ZNF444: variants seen among roughly 807,000 people sequenced by gnomAD.
ZNF444 encodes endothelial zinc finger protein 2.
In ZNF444, 8 loss-of-function variants were observed where a neutral mutation model predicts 14.4. That is an observed-to-expected ratio of 0.56 (90% CI 0.33 to 1.00). The LOEUF is 1.00. ZNF444 is among the 50% of genes least tolerant of loss of function. ZNF444 has a pLI of 0.03. For missense variants in ZNF444, 510 were observed against 504.8 expected, an observed-to-expected ratio of 1.01 and a Z score of -0.10; for synonymous variants, 258 against 235.9, an observed-to-expected ratio of 1.09 and a Z score of -0.86.
At position 56,159,996 on chromosome 19, in the gene ZNF444, A is replaced by G. The variant is rs1277132010; in HGVS notation, c.779A>G (p.Tyr260Cys). Residue 260 changes from tyrosine (Y) to cysteine (C), a missense_variant, in exon 5 of 5, where the codon TAC becomes TGC. Coordinates refer to ENST00000337080, the MANE Select transcript of ZNF444 (RefSeq NM_018337.4). ...TGCTGCGAGTGTGGCAAGACCTTCT[A>G]CTGGCGCGAGCACCTGGTGCGCCAC... Reference protein sequence around the residue: ...HACCECGKTFYWREHLVRHRK... With the variant: ...HACCECGKTFCWREHLVRHRK... 1.3e-6 allele frequency: 2 copies of G among 1,512,322 alleles called. No individual in the cohort carries two copies. The highest frequency in any genetic ancestry group is 2.6e-5 in the East Asian group (1 of 37,844). The allele number at this position is 1,512,322 out of a possible 1,614,324, so 93.7% of individuals were successfully genotyped here.
chr19:56,147,408 G>C lies in ZNF444; in HGVS notation c.297+200G>C, dbSNP rs1213923699. Among the ~76,000 whole-genome samples, 1 of 152,176 alleles carries C rather than the reference G, an allele frequency of 6.6e-6. No homozygotes were observed. ...CCATCCCCACACCAGCTGCAAGTCA[G>C]GAGGGCCCCAAGACCCTGGCATACT... is the stretch of plus-strand genomic sequence containing the variant. On this transcript the variant is annotated intron_variant, in intron 3 of 4. Transcript: ENST00000337080. This position sits in a 1 kb window ranked among gnomAD's most constrained non-coding sequence, Gnocchi z 5.9.
chr19:56,159,612 T>C lies in ZNF444; in HGVS notation c.407-12T>C, dbSNP rs1199809749. 3 of 1,427,580 alleles carry C rather than the reference T, an allele frequency of 2.1e-6. No individual in the cohort carries two copies. The highest frequency in any genetic ancestry group is 2.7e-6 in the Non-Finnish European group (3 of 1,095,192). 88.4% of individuals were successfully genotyped at this position (1,427,580 alleles called of 1,614,324 possible). A position where few individuals can be genotyped will look rare whatever the true frequency, so the allele number is the denominator to read the frequency against. ...GTGCCGACCCAGATGCTGACTCTCTTTCTTTTCCCAGCAGGCACCGCCCCT... is the reference window on the plus strand; with the variant it reads ...GTGCCGACCCAGATGCTGACTCTCTCTCTTTTCCCAGCAGGCACCGCCCCT... On this transcript the variant is annotated splice_polypyrimidine_tract_variant and intron_variant, in intron 4 of 4. Transcript: ENST00000337080.
intron 3 of ZNF444, 102 bp from the exon 4 acceptor site, chr19:56,158,392 C>A: frequency 8.9e-7 from 1 of 1,126,656 alleles, no homozygotes; most frequent in African/African-American, 1.6e-5. Context: ...GGCTTCCTCC[C>A]AGCAGGGATG....
In ZNF444 at chr19:56,160,807, C is replaced by G. The variant is rs2032247767; in HGVS notation, c.*606C>G. On this transcript the variant is annotated 3_prime_UTR_variant, in exon 5 of 5. Transcript: ENST00000337080. ...CTGTGACCCAAAGGCATGGGATGGA[C>G]AGAGATGCCTGCCCCCGTGAAGCTG... The G allele has an allele frequency of 6.5e-6, 1 of 153,120 alleles. No homozygotes were observed. 9.5% of individuals were successfully genotyped at this position (153,120 alleles called of 1,614,324 possible).
At chr19:56,132,843 G>A (rs2030511388) in intron 1 of ZNF444, 1 of 152,072 alleles carries the variant, frequency 6.6e-6, no homozygotes, top group Non-Finnish European at 1.5e-5. Context: ...TAAGGAAGAG[G>A]ATATATCTGG....
At chr19:56,150,518 C>T (rs533163115) in intron 3 of ZNF444, 7 of 381,138 alleles carry the variant, frequency 1.8e-5, no homozygotes, top group Non-Finnish European at 3.6e-5. Context: ...AGAGCCTTCT[C>T]CTATCAGTGT....
rs2031093164 is a variant in ZNF444 at position 56,145,157 on chromosome 19, A to G, written c.-196-1090A>G. Among the ~76,000 whole-genome samples, 1 of 152,272 alleles carries G rather than the reference A, an allele frequency of 6.6e-6. No homozygotes were observed. Among genetic ancestry groups the G allele is most frequent in the African/African-American group, 2.4e-5 (1 of 41,474 alleles). ...GACCACCATTTCTCAAATGCTTTGAAGTCAGGACTCCTTTCTGCCTTCAAA... is the reference window on the plus strand; with the variant it reads ...GACCACCATTTCTCAAATGCTTTGAGGTCAGGACTCCTTTCTGCCTTCAAA... On this transcript the variant is annotated intron_variant, in intron 1 of 4. Coordinates refer to ENST00000337080, the MANE Select transcript of ZNF444 (RefSeq NM_018337.4). This position sits in a 1 kb window ranked among gnomAD's most constrained non-coding sequence, Gnocchi z 4.3.
At chr19:56,138,010 G>A (rs1297056786), upstream of ZNF444, among the ~76,000 whole-genome samples, 3 of 151,900 alleles carry the variant, frequency 2.0e-5, no homozygotes, top group Admixed American at 1.3e-4. Context: ...TGTAATCCCA[G>A]CTACTTAGGA....
upstream of ZNF444, among the ~76,000 whole-genome samples, chr19:56,138,783 T>C (rs2030668394): frequency 7.1e-6 from 1 of 141,518 alleles, no homozygotes; most frequent in African/African-American, 2.6e-5. Flanking sequence ...ATTGCACAGC[T>C]TGAATGTACT....
chr19:56,138,524 T>A (rs966023126), upstream of ZNF444, among the ~76,000 whole-genome samples: 4 of 151,918 alleles, frequency 2.6e-5, no homozygotes, highest in African/African-American at 9.7e-5. Context: ...TCTCAGCTAC[T>A]CGGGAGGCCA....
rs2032024826 is a variant in ZNF444 at position 56,158,202 on chromosome 19, C to T, written c.298-292C>T. Reference sequence around the variant, plus strand: ...CTGTGGGTCCGGAGTCTGTGAGTGGCTTGGGCACGCGGACCTGGCCCAGGG... The same window carrying T: ...CTGTGGGTCCGGAGTCTGTGAGTGGTTTGGGCACGCGGACCTGGCCCAGGG... On this transcript the variant is annotated intron_variant, in intron 3 of 4. Transcript: ENST00000337080. 1.8e-5 allele frequency: 5 copies of T among 279,136 alleles called. No homozygotes were observed. The South Asian group carries it at 4.0e-4, about 22-fold the overall frequency. 17.3% of individuals were successfully genotyped at this position (279,136 alleles called of 1,614,324 possible). A position where few individuals can be genotyped will look rare whatever the true frequency, so the allele number is the denominator to read the frequency against.
Position 56,147,017 on chromosome 19 carries a change from G to T in ZNF444, c.106G>T (p.Glu36Ter). ...FHLGDAPGPR[E>*]ALGLLRALCR... is the part of the protein sequence containing the mutation. ...CCTGGGCGACGCGCCGGGCCCGCGGGAGGCGCTGGGGCTGCTCCGCGCCCT... is the reference window on the plus strand; with the variant it reads ...CCTGGGCGACGCGCCGGGCCCGCGGTAGGCGCTGGGGCTGCTCCGCGCCCT... The change falls in exon 3 of 5, where the codon GAG (glutamate) becomes TAG (stop). Residue 36 changes from glutamate to a stop codon, truncating the protein, a stop_gained. Transcript: ENST00000337080. LOFTEE classifies it high-confidence loss of function. The surrounding 1 kb of genome is among the most constrained non-coding windows in gnomAD (Gnocchi z 5.9). 6.8e-7 allele frequency: 1 copy of T among 1,471,300 alleles called. No individual in the cohort carries two copies. Among genetic ancestry groups the T allele is most frequent in the Non-Finnish European group, 8.9e-7 (1 of 1,120,092 alleles). The allele number at this position is 1,471,300 out of a possible 1,614,324, so 91.1% of individuals were successfully genotyped here.
At chr19:56,149,105 T>C (rs1274326402) in intron 3 of ZNF444, among the ~76,000 whole-genome samples, 4 of 120,752 alleles carry the variant, frequency 3.3e-5, no homozygotes, top group African/African-American at 1.1e-4. Context: ...CCATCCCCCA[T>C]CACTCCTCTG....
intron 1 of ZNF444, among the ~76,000 whole-genome samples, chr19:56,133,831 G>A (rs1032462453): frequency 6.0e-5 from 9 of 150,548 alleles, no homozygotes; most frequent in Non-Finnish European, 1.3e-4. Context: ...AAAAAAATGG[G>A]GTGATTCCTG....
At chr19:56,138,493 C>T (rs995617750), upstream of ZNF444, among the ~76,000 whole-genome samples, 23 of 152,002 alleles carry the variant, frequency 1.5e-4, no homozygotes, top group Admixed American at 1.2e-3. Flanking sequence ...ATTAGCTGGG[C>T]GTGGTTGTGT....
In ZNF444 at chr19:56,141,654, G is replaced by GGGAGGA. The variant is rs1453402418; in HGVS notation, c.-197+302_-197+303insAGGAGG. The GGGAGGA allele has an allele frequency of 2.5e-5, 3 of 119,650 alleles. No individual in the cohort carries two copies. In the East Asian group the frequency reaches 9.2e-4, roughly 37 times the overall value. 7.4% of individuals were successfully genotyped at this position (119,650 alleles called of 1,614,324 possible). On this transcript the variant is annotated intron_variant, in intron 1 of 4. Coordinates refer to ENST00000337080, the MANE Select transcript of ZNF444 (RefSeq NM_018337.4). ...ACGGGGGAGGGGCGCCTGGGGGAGG[G>GGGAGGA]GGAGGGGCGGGACGGGGGAGGGACA...
chr19:56,156,604 AAAG>A (rs1274088754), intron 3 of ZNF444: 1 of 152,184 alleles, frequency 6.6e-6, no homozygotes, highest in African/African-American at 2.4e-5. Context: ...CCTTGTGGAG[AAAG>A]AAGAGCAGGT....
upstream of ZNF444, among the ~76,000 whole-genome samples, chr19:56,136,874 C>G (rs539345212): frequency 6.6e-6 from 1 of 151,934 alleles, no homozygotes; most frequent in Non-Finnish European, 1.5e-5. Context: ...CTCTGCCTCC[C>G]GGTTCAAGTG....
At chr19:56,133,332 C>T (rs984786221) in intron 1 of ZNF444, among the ~76,000 whole-genome samples, 2 of 151,898 alleles carry the variant, frequency 1.3e-5, no homozygotes, top group Non-Finnish European at 2.9e-5. Flanking sequence ...CTCAGCCTCC[C>T]AAAGTGCTGG....
Sources: gnomAD v4.1 joint callset for allele counts (sites outside exome capture counted in the v4.1 genomes callset) on GRCh38, gnomAD v4.1.1 for gene constraint, Gnocchi (gnomAD v3.1) non-coding constraint, MANE v1.5 for transcripts, NCBI Gene and HGNC (gene_info 2026-07-23, HGNC 2026-07-21) for gene names.